The following APOH variants were observed in gnomAD, a reference collection of about 807,000 sequenced individuals.
The protein encoded by APOH is beta-2-glycoprotein 1.
In APOH, 48 loss-of-function variants were observed where a neutral mutation model predicts 39.8. The observed-to-expected ratio is 1.21, with a 90% CI of 0.96 to 1.54. APOH has a LOEUF of 1.54. Ranked by LOEUF, APOH falls within the 40% of genes most tolerant of loss-of-function variation. The pLI is 0.00. For synonymous variants in APOH, 153 were observed against 151.1 expected (o/e 1.01, Z -0.09); for missense variants, 415 against 421.2 (o/e 0.99, Z 0.13).
intron 4 of APOH, among the ~76,000 whole-genome samples, chr17:66,222,567 CT>C (rs1178795590): frequency 1.0e-3 from 89 of 84,882 alleles, no homozygotes; most frequent in East Asian, 3.2e-3. Flanking sequence ...TTTCCACTTG[CT>C]TTTTTTTTTT....
At chr17:66,225,802 A>T (rs1022462945) in intron 3 of APOH, among the ~76,000 whole-genome samples, 1 of 151,802 alleles carries the variant, frequency 6.6e-6, no homozygotes, top group African/African-American at 2.4e-5. Context: ...GTGTGAACCC[A>T]GGAGGTGGAG....
Position 66,212,178 on chromosome 17 carries a change from A to G in APOH, c.993T>C (p.Ser331=). 6.2e-7 allele frequency: 1 copy of G among 1,613,904 alleles called. No individual in the cohort carries two copies. The highest frequency in any genetic ancestry group is 8.5e-7 in the Non-Finnish European group (1 of 1,179,770). Residue 331 remains serine, a synonymous_variant, in exon 8 of 8, where the codon TCT becomes TCC. Coordinates refer to ENST00000205948, the MANE Select transcript of APOH (RefSeq NM_000042.3). ...ATGCATCAGTTTTCCAAAAAGCCAG[A>G]GAACTGTGTTCTGTTGGGGGAGAAA... is the stretch of plus-strand genomic sequence containing the variant. ...EVPKCFKEHS[S]LAFWKTDASD...
At chr17:66,222,247 G>C (rs193255190) in intron 4 of APOH, among the ~76,000 whole-genome samples, 1 of 151,922 alleles carries the variant, frequency 6.6e-6, no homozygotes, top group South Asian at 2.1e-4. Flanking sequence ...AAACTAGCCA[G>C]ATCTGGTGGC....
In APOH at chr17:66,214,628, T is replaced by C. The variant is rs1293376277; in HGVS notation, c.807A>G (p.Lys269=). Residue 269 remains lysine, a synonymous_variant, in exon 7 of 8, where the codon AAA becomes AAG. Transcript: ENST00000205948. ...SCKASCKVPV[K]KATVVYQGER... Reference sequence around the variant, plus strand: ...CTCCTTGGTACACCACAGTGGCTTTTTTCACAGGTACTTTACAAGATGCTG... The same window carrying C: ...CTCCTTGGTACACCACAGTGGCTTTCTTCACAGGTACTTTACAAGATGCTG... The C allele has an allele frequency of 6.2e-7, 1 of 1,613,156 alleles. No homozygotes were observed. The highest frequency in any genetic ancestry group is 1.3e-5 in the African/African-American group (1 of 74,794).
intron 2 of APOH, 144 bp from the exon 3 acceptor site, chr17:66,226,268 A>G (rs2073438954): frequency 1.6e-6 from 1 of 628,166 alleles, no homozygotes. Context: ...ACTGGTAACT[A>G]TTCTAAGAAA....
Position 66,214,517 on chromosome 17 carries a change from C to T in APOH, c.918G>A (p.Lys306=). Residue 306 remains lysine, a synonymous_variant, in exon 7 of 8, where the codon AAG becomes AAA. Transcript: ENST00000205948. Reference sequence around the variant, plus strand: ...ACTGAGCATCCTCTGTATAGCTACACTTCTTTTCCTTATTTTTGCAGAAGA... The same window carrying T: ...ACTGAGCATCCTCTGTATAGCTACATTTCTTTTCCTTATTTTTGCAGAAGA... ...VSFFCKNKEK[K]CSYTEDAQCI... 1 of 1,614,182 alleles carries T rather than the reference C, an allele frequency of 6.2e-7. No individual in the cohort carries two copies. Among genetic ancestry groups the T allele is most frequent in the Non-Finnish European group, 8.5e-7 (1 of 1,180,020 alleles).
intron 3 of APOH, among the ~76,000 whole-genome samples, chr17:66,225,481 T>A (rs370938598): frequency 6.6e-6 from 1 of 152,156 alleles, no homozygotes; most frequent in South Asian, 2.1e-4. Context: ...AAAGCCCAAG[T>A]CTTATTCCTA....
chr17:66,228,158 C>T lies in APOH; in HGVS notation c.103G>A (p.Val35Ile), dbSNP rs750112543. The T allele has an allele frequency of 1.9e-6, 3 of 1,613,948 alleles. No individual in the cohort carries two copies. Among genetic ancestry groups the T allele is most frequent in the African/African-American group, 2.7e-5 (2 of 74,870 alleles). The change falls in exon 2 of 8, where the codon GTC becomes ATC. Residue 35 changes from valine (V) to isoleucine (I), a missense_variant. Around this residue, in one of 3 missense-constraint regions of APOH, gnomAD observed 288 missense variants for 284.9 expected, o/e 1.01. Coordinates refer to ENST00000205948, the MANE Select transcript of APOH (RefSeq NM_000042.3). ...GGCTCATAGAATGTTTTTAACGGGA[C>T]CACTGTGGAAAATGGTAAATCATCT... ...KPDDLPFSTVVPLKTFYEPGE... is the reference protein window; with the variant it reads ...KPDDLPFSTVIPLKTFYEPGE...
At chr17:66,213,766 C>T (rs910418737) in intron 7 of APOH, among the ~76,000 whole-genome samples, 2 of 151,998 alleles carry the variant, frequency 1.3e-5, no homozygotes, top group African/African-American at 4.8e-5. Context: ...GGCATAATCT[C>T]TTCTCTAATA....
intron 6 of APOH, 68 bp from the exon 7 acceptor site, chr17:66,214,718 A>C: frequency 7.2e-7 from 1 of 1,394,088 alleles, no homozygotes; most frequent in Non-Finnish European, 1.0e-6. Flanking sequence ...AGAGTATAGC[A>C]TTTGAAACAG....
intron 5 of APOH, among the ~76,000 whole-genome samples, chr17:66,219,907 C>CA (rs1413103480): frequency 6.0e-5 from 9 of 150,908 alleles, no homozygotes; most frequent in South Asian, 4.2e-4. Flanking sequence ...GAGACTATCT[C>CA]AAAAAAAAGA....
In APOH at chr17:66,228,206, G is replaced by C. The variant is rs991987450; in HGVS notation, c.65-10C>G. ...TCTGGCTTGGGACAGGCTGAAAGAG[G>C]GCACAAAGCAGATGGTTAACAAATC... is the stretch of plus-strand genomic sequence containing the variant. On this transcript the variant is annotated splice_polypyrimidine_tract_variant and intron_variant, in intron 1 of 7. Coordinates refer to ENST00000205948, the MANE Select transcript of APOH (RefSeq NM_000042.3). The C allele has an allele frequency of 6.9e-6, 11 of 1,605,314 alleles. No individual in the cohort carries two copies. The highest frequency in any genetic ancestry group is 9.4e-6 in the Non-Finnish European group (11 of 1,175,178).
chr17:66,220,775 A>T (rs1295473280), intron 4 of APOH, 33 bp from the exon 5 acceptor site: 2 of 1,570,622 alleles, frequency 1.3e-6, no homozygotes, highest in Non-Finnish European at 1.7e-6. Flanking sequence ...TTTCTATGAA[A>T]ATAGTTAAGG....
At chr17:66,214,352 C>A (rs1483080514) in intron 7 of APOH, 101 bp downstream of exon 7, 4 of 1,173,352 alleles carry the variant, frequency 3.4e-6, no homozygotes, top group South Asian at 1.3e-5. Context: ...ACCCACCGCA[C>A]CTGGCCTCAT....
chr17:66,222,038 C>G (rs936134745), intron 4 of APOH, among the ~76,000 whole-genome samples: 2 of 152,118 alleles, frequency 1.3e-5, no homozygotes, highest in African/African-American at 2.4e-5. Context: ...ATGAGAAATA[C>G]TCATTTAAAT....
At position 66,223,773 on chromosome 17, in the gene APOH, A is replaced by T; in HGVS notation, c.340T>A (p.Phe114Ile). ...GCAGAATCAGCGCCATTCAGATAAA[A>T]CCTGCAAAAGGAAAATTCATTCTAT... is the stretch of plus-strand genomic sequence containing the variant. ...NTISFSCNTG[F>I]YLNGADSAKC... Residue 114 changes from phenylalanine (F) to isoleucine (I), a missense_variant and splice_region_variant, in exon 4 of 8, where the codon TTT becomes ATT. Phe to Ile is a conservative substitution (Grantham distance 21). Around this residue, in one of 3 missense-constraint regions of APOH, gnomAD observed 288 missense variants for 284.9 expected, o/e 1.01. Transcript: ENST00000205948. 1 of 1,614,046 alleles carries T rather than the reference A, an allele frequency of 6.2e-7. No homozygotes were observed. Among genetic ancestry groups the T allele is most frequent in the East Asian group, 2.2e-5 (1 of 44,880 alleles).
intron 3 of APOH, among the ~76,000 whole-genome samples, chr17:66,225,477 C>T (rs1031312027): frequency 2.0e-5 from 3 of 152,162 alleles, no homozygotes; most frequent in Admixed American, 6.5e-5. Flanking sequence ...AACTAAAGCC[C>T]AAGTCTTATT....
At chr17:66,214,366 GT>G in intron 7 of APOH, 86 bp downstream of exon 7, 1 of 1,359,788 alleles carries the variant, frequency 7.4e-7, no homozygotes, top group Non-Finnish European at 1.0e-6. Context: ...GCCTCATCTG[GT>G]TTTTGACAAT....
chr17:66,228,059 G>C lies in APOH; in HGVS notation c.202C>G (p.Leu68Val). ...RGGMRKFICPLTGLWPINTLK... is the reference protein window; with the variant it reads ...RGGMRKFICPVTGLWPINTLK... Reference sequence around the variant, plus strand: ...GTGTTGATGGGCCACAGTCCTGTGAGAGGGCAGATAAACTTTCTCATCCCT... The same window carrying C: ...GTGTTGATGGGCCACAGTCCTGTGACAGGGCAGATAAACTTTCTCATCCCT... The change falls in exon 2 of 8, where the codon CTC (leucine) becomes GTC (valine). Residue 68 changes from leucine (L) to valine (V), a missense_variant. Leu to Val is a conservative substitution (Grantham distance 32). Around this residue, in one of 3 missense-constraint regions of APOH, gnomAD observed 288 missense variants for 284.9 expected, o/e 1.01. Coordinates refer to ENST00000205948, the MANE Select transcript of APOH (RefSeq NM_000042.3). 1 of 1,614,196 alleles carries C rather than the reference G, an allele frequency of 6.2e-7. No homozygotes were observed.
Sources: gnomAD v4.1 joint callset for allele counts (sites outside exome capture counted in the v4.1 genomes callset) on GRCh38, gnomAD v4.1.1 for gene constraint, gnomAD v4.1.1 regional missense constraint, MANE v1.5 for transcripts, NCBI Gene and HGNC (gene_info 2026-07-23, HGNC 2026-07-21) for gene names.